The following ITCH variants were observed in gnomAD, a reference collection of about 807,000 sequenced individuals.
ITCH encodes the protein E3 ubiquitin-protein ligase Itchy homolog.
In ITCH, 28 loss-of-function variants were observed where a neutral mutation model predicts 126.8. That is an observed-to-expected ratio of 0.22 (90% CI 0.16 to 0.30). The LOEUF (loss-of-function observed/expected upper bound fraction) is 0.30, where lower values mean the gene tolerates loss of function less well. ITCH is among the 10% of genes least tolerant of loss of function. The pLI, the probability that ITCH is intolerant of heterozygous loss-of-function variation, is 1.00. For missense variants in ITCH, 631 were observed against 1,032.4 expected (o/e 0.61, Z 5.33); for synonymous variants, 342 against 340.0 (o/e 1.01, Z -0.06).
chr20:34,420,012 CT>C (rs1300619559), intron 6 of ITCH, among the ~76,000 whole-genome samples: 1 of 151,766 alleles, frequency 6.6e-6, no homozygotes, highest in Non-Finnish European at 1.5e-5. Flanking sequence ...TGGGTGTATG[CT>C]TGAGAGTAGA....
At chr20:34,455,593 G>A (rs1985811506) in intron 12 of ITCH, among the ~76,000 whole-genome samples, 1 of 150,614 alleles carries the variant, frequency 6.6e-6, no homozygotes. Context: ...CTCTCGAGTT[G>A]CTGGGACTAC....
At chr20:34,366,967 A>G (rs181538626) in intron 1 of ITCH, among the ~76,000 whole-genome samples, 1 of 152,254 alleles carries the variant, frequency 6.6e-6, no homozygotes, top group East Asian at 1.9e-4. Flanking sequence ...TACTAGTGCA[A>G]TATTGTTGCC....
intron 9 of ITCH, among the ~76,000 whole-genome samples, chr20:34,440,850 A>T (rs1983658949): frequency 6.6e-6 from 1 of 152,168 alleles, no homozygotes; most frequent in Admixed American, 6.5e-5. Context: ...GGAAAAATAT[A>T]TTTTTTCATC....
intron 6 of ITCH, among the ~76,000 whole-genome samples, chr20:34,416,786 C>T (rs1363727625): frequency 6.6e-6 from 1 of 151,932 alleles, no homozygotes; most frequent in African/African-American, 2.4e-5. Context: ...TTTAATATCT[C>T]GCTACAAGTC....
At chr20:34,374,650 A>G (rs2037764634) in intron 2 of ITCH, among the ~76,000 whole-genome samples, 1 of 152,130 alleles carries the variant, frequency 6.6e-6, no homozygotes. Flanking sequence ...GTAAGTAATG[A>G]CAGATCAGAC....
chr20:34,447,080 C>T (rs1438538937), intron 11 of ITCH, among the ~76,000 whole-genome samples: 1 of 151,816 alleles, frequency 6.6e-6, no homozygotes, highest in African/African-American at 2.4e-5. Context: ...TCAAAGCATT[C>T]TTTTAAAAGA....
chr20:34,374,244 A>G (rs1391000932), intron 2 of ITCH, among the ~76,000 whole-genome samples: 2 of 152,212 alleles, frequency 1.3e-5, no homozygotes, highest in African/African-American at 2.4e-5. Flanking sequence ...ATTTTTCCAA[A>G]TAATCAAATT....
chr20:34,443,774 C>T (rs956595786), intron 10 of ITCH, among the ~76,000 whole-genome samples: 1 of 152,024 alleles, frequency 6.6e-6, no homozygotes, highest in African/African-American at 2.4e-5. Context: ...CGCTTGAGGC[C>T]AGGAGTTTGA....
chr20:34,481,354 A>C, intron 20 of ITCH, 148 bp downstream of exon 20: 1 of 910,722 alleles, frequency 1.1e-6, no homozygotes, highest in Non-Finnish European at 1.6e-6. Context: ...TTTCATTTCT[A>C]AAAAGTTTTT....
chr20:34,487,061 G>A (rs1989179457), intron 20 of ITCH, among the ~76,000 whole-genome samples: 1 of 141,392 alleles, frequency 7.1e-6, no homozygotes, highest in South Asian at 2.2e-4. Flanking sequence ...ACCCAGGCTG[G>A]AGTGCAGTGG....
At position 34,449,853 on chromosome 20, in the gene ITCH, A is replaced by G. The variant is rs187938761; in HGVS notation, c.1210+373A>G. On this transcript the variant is annotated intron_variant, in intron 12 of 24. Coordinates refer to ENST00000374864, the MANE Select transcript of ITCH (RefSeq NM_031483.7). ...AAAAGATCACAACCTGTGTGATTCAATTCATATAACATTCTCAAAATGACA... is the reference window on the plus strand; with the variant it reads ...AAAAGATCACAACCTGTGTGATTCAGTTCATATAACATTCTCAAAATGACA... Among the ~76,000 whole-genome samples the G allele has an allele frequency of 9.9e-4, 151 of 152,314 alleles. No individual in the cohort carries two copies. In the Middle Eastern group the frequency reaches 0.014, roughly 14 times the overall value.
At chr20:34,433,165 C>T (rs1379828361) in intron 7 of ITCH, among the ~76,000 whole-genome samples, 1 of 152,122 alleles carries the variant, frequency 6.6e-6, no homozygotes, top group African/African-American at 2.4e-5. Context: ...TGGCAGGTGC[C>T]TGTATTCCCA....
At chr20:34,380,415 A>C (rs754262496) in intron 2 of ITCH, among the ~76,000 whole-genome samples, 2 of 152,094 alleles carry the variant, frequency 1.3e-5, no homozygotes, top group Non-Finnish European at 2.9e-5. Context: ...ACATTGAACT[A>C]TGCTAGAGAT....
chr20:34,476,416 G>A lies in ITCH; in HGVS notation c.1570-1356G>A, dbSNP rs867394677. ...GGCGTGGTGCAGCCACCGGCCGGCCGGGTCGCCGAGGACCGCAGAAGCGGC... is the reference window on the plus strand; with the variant it reads ...GGCGTGGTGCAGCCACCGGCCGGCCAGGTCGCCGAGGACCGCAGAAGCGGC... On this transcript the variant is annotated intron_variant, in intron 16 of 24. Transcript: ENST00000374864. 6 of 1,236,970 alleles carry A rather than the reference G, an allele frequency of 4.9e-6. 1 individual carries two copies. The highest frequency in any genetic ancestry group is 6.3e-4 in the Middle Eastern group (2 of 3,156). 76.6% of individuals were successfully genotyped at this position (1,236,970 alleles called of 1,614,324 possible).
At chr20:34,419,767 G>C (rs1980505199) in intron 6 of ITCH, among the ~76,000 whole-genome samples, 1 of 152,312 alleles carries the variant, frequency 6.6e-6, no homozygotes, top group African/African-American at 2.4e-5. Flanking sequence ...CCATTCTCCT[G>C]CCTTAGCCTC....
intron 23 of ITCH, among the ~76,000 whole-genome samples, chr20:34,495,544 CTTTT>C (rs1255407582): frequency 6.6e-6 from 1 of 151,836 alleles, no homozygotes; most frequent in African/African-American, 2.4e-5. Context: ...TAGTATTTAT[CTTTT>C]TGTGCTTGGC....
intron 22 of ITCH, among the ~76,000 whole-genome samples, chr20:34,491,148 C>T (rs1989480079): frequency 2.0e-5 from 3 of 152,208 alleles, no homozygotes; most frequent in Middle Eastern, 6.8e-3. Flanking sequence ...ACCCAATAAA[C>T]CCATCATAAA....
In ITCH at chr20:34,369,425, A is replaced by T. The variant is rs2037537830; in HGVS notation, c.-67A>T. 2.5e-6 allele frequency: 1 copy of T among 398,914 alleles called. No homozygotes were observed. Among genetic ancestry groups the T allele is most frequent in the South Asian group, 1.3e-4 (1 of 7,854 alleles). The allele number at this position is 398,914 out of a possible 1,614,324, so 24.7% of individuals were successfully genotyped here. On this transcript the variant is annotated 5_prime_UTR_variant, in exon 2 of 25. Transcript: ENST00000374864. ...TGCATTTCACGGTGGCCTTGTGGAG[A>T]CAACGCCTTAACCCAAGGAAGTGAC... is the stretch of plus-strand genomic sequence containing the variant.
intron 16 of ITCH, among the ~76,000 whole-genome samples, chr20:34,475,011 C>T (rs1201600967): frequency 6.6e-6 from 1 of 151,482 alleles, no homozygotes; most frequent in African/African-American, 2.4e-5. Flanking sequence ...TCCTCACATC[C>T]CAGACGGGGC....
Sources: allele counts gnomAD v4.1 joint callset (sites outside exome capture counted in the v4.1 genomes callset), GRCh38; gene constraint gnomAD v4.1.1; transcripts MANE v1.5; gene names NCBI Gene and HGNC (gene_info 2026-07-23, HGNC 2026-07-21).